Variants in LPAR3 observed in about 807,000 individuals in gnomAD.
LPAR3 encodes the protein lysophosphatidic acid receptor 3.
In LPAR3, 7 loss-of-function variants were observed where a neutral mutation model predicts 17.8. That is an observed-to-expected ratio of 0.39 (90% confidence interval 0.22 to 0.74). The LOEUF (loss-of-function observed/expected upper bound fraction) is 0.74. Ranked by LOEUF, LPAR3 falls within the 30% of genes least tolerant of loss-of-function variation. The pLI is 0.40. For synonymous variants in LPAR3, 179 were observed against 179.9 expected, an observed-to-expected ratio of 0.99 and a Z score of 0.04; for missense variants, 391 against 453.4, an observed-to-expected ratio of 0.86 and a Z score of 1.25.
intron 2 of LPAR3, among the ~76,000 whole-genome samples, chr1:84,844,533 C>T (rs1329452137): frequency 1.3e-5 from 2 of 152,092 alleles, no homozygotes; most frequent in Non-Finnish European, 2.9e-5. Context: ...CAAAAATAGA[C>T]CCAGGAATGC....
rs1660034253 is a variant in LPAR3 at position 84,865,824 on chromosome 1, G to T, written c.297C>A (p.Val99=). 1 of 1,614,076 alleles carries T rather than the reference G, an allele frequency of 6.2e-7. No homozygotes were observed. Among genetic ancestry groups the T allele is most frequent in the Non-Finnish European group, 8.5e-7 (1 of 1,180,056 alleles). Residue 99 remains valine (V), a synonymous_variant, in exon 2 of 3, where the codon GTC becomes GTA. Transcript: ENST00000370611. ...GCCCCTGACGGAGAAACCAGCGGTT[G>T]ACAGTCAAAGTTTTTGAAACTGGGC... ...NTGPVSKTLT[V]NRWFLRQGLL...
At position 84,830,049 on chromosome 1, in the gene LPAR3, G is replaced by A. The variant is rs145690745; in HGVS notation, c.737-15878C>T. Among the ~76,000 whole-genome samples, 390 of 152,298 alleles carry A rather than the reference G, an allele frequency of 2.6e-3. 2 individuals carry two copies. The highest frequency in any genetic ancestry group is 5.0e-3 in the South Asian group (24 of 4,820). ...AAACCTTTACTGAAATCTGACTGAAGGCAATGACATCTCAGAAGAAAGAAT... is the reference window on the plus strand; with the variant it reads ...AAACCTTTACTGAAATCTGACTGAAAGCAATGACATCTCAGAAGAAAGAAT... On this transcript the variant is annotated intron_variant, in intron 2 of 2. Transcript: ENST00000370611.
At chr1:84,858,181 A>G (rs1659863945) in intron 2 of LPAR3, among the ~76,000 whole-genome samples, 1 of 152,120 alleles carries the variant, frequency 6.6e-6, no homozygotes, top group Non-Finnish European at 1.5e-5. Flanking sequence ...CATATTATAA[A>G]ATTATAAGAT....
At chr1:84,837,339 C>T (rs1005435259) in intron 2 of LPAR3, among the ~76,000 whole-genome samples, 2 of 152,110 alleles carry the variant, frequency 1.3e-5, no homozygotes, top group African/African-American at 4.8e-5. Flanking sequence ...TTTTAAAAAC[C>T]ACACTTGATA....
At chr1:84,855,382 A>C (rs1659797298) in intron 2 of LPAR3, among the ~76,000 whole-genome samples, 1 of 152,102 alleles carries the variant, frequency 6.6e-6, no homozygotes, top group Non-Finnish European at 1.5e-5. Flanking sequence ...AAGCCCTAAG[A>C]GAGGGTGTTC....
chr1:84,893,017 G>C lies in LPAR3; in HGVS notation c.-20C>G, dbSNP rs1323398262. On this transcript the variant is annotated splice_region_variant and 5_prime_UTR_variant, in exon 1 of 3. Coordinates refer to ENST00000370611, the MANE Select transcript of LPAR3 (RefSeq NM_012152.3). The stretch of plus-strand genomic sequence containing the variant: ...CCCTGCGCCCGGACCCTCACTCACC[G>C]CTCACGTTCACCCGCGCCGCCGAGC... 2.0e-5 allele frequency: 3 copies of C among 152,092 alleles called. No homozygotes were observed. Among genetic ancestry groups the C allele is most frequent in the African/African-American group, 7.2e-5 (3 of 41,436 alleles). 9.4% of individuals were successfully genotyped at this position (152,092 alleles called of 1,614,324 possible). A position where few individuals can be genotyped will look rare whatever the true frequency, so the allele number is the denominator to read the frequency against.
At chr1:84,819,731 A>G (rs1659013898) in intron 2 of LPAR3, among the ~76,000 whole-genome samples, 1 of 152,224 alleles carries the variant, frequency 6.6e-6, no homozygotes, top group African/African-American at 2.4e-5. Flanking sequence ...AAAGTAGTCT[A>G]CAGGCAAGGC....
intron 2 of LPAR3, among the ~76,000 whole-genome samples, chr1:84,837,248 C>G (rs1354366689): frequency 1.3e-5 from 2 of 152,152 alleles, no homozygotes; most frequent in African/African-American, 4.8e-5. Context: ...GTCTCGATCT[C>G]CCAACCTTGT....
At chr1:84,883,341 A>C (rs1451736150) in intron 1 of LPAR3, among the ~76,000 whole-genome samples, 2 of 152,214 alleles carry the variant, frequency 1.3e-5, no homozygotes, top group Admixed American at 1.3e-4. Context: ...CCCTAAAGCC[A>C]AAGCCTTCTC....
At position 84,812,942 on chromosome 1, in the gene LPAR3, T is replaced by C. The variant is rs932844686; in HGVS notation, c.*904A>G. The C allele has an allele frequency of 6.6e-6, 1 of 151,764 alleles. No individual in the cohort carries two copies. The allele number at this position is 151,764 out of a possible 1,614,324, so 9.4% of individuals were successfully genotyped here. ...CATAAACCCTTTACTAGCTCTCCAC[T>C]GTTTTTCACCATCATGAGGGAAAAT... On this transcript the variant is annotated 3_prime_UTR_variant, in exon 3 of 3. Transcript: ENST00000370611.
Sources: gnomAD v4.1 joint callset for allele counts (sites outside exome capture counted in the v4.1 genomes callset) on GRCh38, gnomAD v4.1.1 for gene constraint, MANE v1.5 for transcripts, NCBI Gene and HGNC (gene_info 2026-07-23, HGNC 2026-07-21) for gene names.